Variants in SLC8A1 observed in about 807,000 individuals in gnomAD.
SLC8A1 encodes the protein sodium/calcium exchanger 1.
Under a neutral mutation model 68.3 loss-of-function variants are expected in SLC8A1, and 18 were observed. That is an observed-to-expected ratio of 0.26 (90% CI 0.18 to 0.39). The LOEUF (loss-of-function observed/expected upper bound fraction) is 0.39, where lower values mean the gene tolerates loss of function less well. SLC8A1 is among the 10% of genes least tolerant of loss of function. The pLI is 1.00. For missense variants in SLC8A1, 985 were observed against 1,156.7 expected (o/e 0.85, Z 2.15); for synonymous variants, 475 against 415.5 (o/e 1.14, Z -1.74).
intron 1 of SLC8A1, among the ~76,000 whole-genome samples, chr2:40,463,790 C>T (rs1703475170): frequency 1.3e-5 from 2 of 150,916 alleles, no homozygotes; most frequent in Admixed American, 1.3e-4. Context: ...CTCAGACTTA[C>T]AGACAAGGGA....
intron 2 of SLC8A1, among the ~76,000 whole-genome samples, chr2:40,396,759 A>C (rs1028648397): frequency 1.2e-3 from 69 of 59,724 alleles, no homozygotes; most frequent in African/African-American, 2.5e-3. Context: ...AAAAAAAAAA[A>C]AAAAAAAAAA....
chr2:40,343,329 A>G (rs1668288549), intron 2 of SLC8A1, among the ~76,000 whole-genome samples: 1 of 152,148 alleles, frequency 6.6e-6, no homozygotes. Flanking sequence ...GAACATCACC[A>G]TGAACTTAAA....
intron 2 of SLC8A1, among the ~76,000 whole-genome samples, chr2:40,184,898 CAAAAAAAA>C (rs66662572): frequency 3.8e-5 from 4 of 106,524 alleles, no homozygotes; most frequent in African/African-American, 1.1e-4. Context: ...TAACCAAAAA[CAAAAAAAA>C]AAAAAAAAAA....
intron 1 of SLC8A1, among the ~76,000 whole-genome samples, chr2:40,476,856 A>T (rs2149908386): frequency 6.6e-6 from 1 of 152,222 alleles, no homozygotes; most frequent in African/African-American, 2.4e-5. Context: ...ATCCTTTCAG[A>T]TTTTTCTGAT....
intron 1 of SLC8A1, among the ~76,000 whole-genome samples, chr2:40,470,223 G>T (rs901019566): frequency 2.0e-5 from 3 of 151,904 alleles, no homozygotes; most frequent in Non-Finnish European, 4.4e-5. Flanking sequence ...CTACACTTTG[G>T]GAAAACTTAA....
chr2:40,249,140 A>G (rs1308189148), intron 2 of SLC8A1, among the ~76,000 whole-genome samples: 1 of 152,176 alleles, frequency 6.6e-6, no homozygotes, highest in Non-Finnish European at 1.5e-5. Flanking sequence ...TTAAGCTAAG[A>G]TCTGCACTAC....
chr2:40,489,942 G>A (rs1705208258), intron 1 of SLC8A1, among the ~76,000 whole-genome samples: 1 of 151,992 alleles, frequency 6.6e-6, no homozygotes, highest in Non-Finnish European at 1.5e-5. Flanking sequence ...ATGAAGACAG[G>A]CAGCCCCCTT....
intron 1 of SLC8A1, among the ~76,000 whole-genome samples, chr2:40,475,034 A>T (rs1704196898): frequency 6.6e-6 from 1 of 152,104 alleles, no homozygotes; most frequent in Non-Finnish European, 1.5e-5. Flanking sequence ...TTAACTTATA[A>T]AAAAATTATT....
At chr2:40,121,561 A>G (rs2036818897) in intron 7 of SLC8A1, among the ~76,000 whole-genome samples, 1 of 152,136 alleles carries the variant, frequency 6.6e-6, no homozygotes, top group Non-Finnish European at 1.5e-5. Flanking sequence ...GCTACCCTAA[A>G]AGGCCAAATG....
chr2:40,246,574 C>A (rs979715986), intron 2 of SLC8A1, among the ~76,000 whole-genome samples: 1 of 152,080 alleles, frequency 6.6e-6, no homozygotes, highest in Non-Finnish European at 1.5e-5. Flanking sequence ...GCAGTCAGTT[C>A]TTCTGCACAT....
At chr2:40,502,218 T>A (rs1346480835) in intron 1 of SLC8A1, among the ~76,000 whole-genome samples, 9 of 152,100 alleles carry the variant, frequency 5.9e-5, no homozygotes, top group African/African-American at 2.2e-4. Context: ...CATTGCTACA[T>A]GGTTTATTTT....
intron 2 of SLC8A1, among the ~76,000 whole-genome samples, chr2:40,339,804 C>T (rs188336267): frequency 3.9e-5 from 6 of 152,208 alleles, no homozygotes; most frequent in African/African-American, 1.2e-4. Flanking sequence ...GATAGAAAGA[C>T]AGACAGAAGT....
chr2:40,485,633 T>A (rs1411821689), intron 1 of SLC8A1, among the ~76,000 whole-genome samples: 3 of 152,110 alleles, frequency 2.0e-5, no homozygotes, highest in Non-Finnish European at 4.4e-5. Flanking sequence ...ATTTCTCCCA[T>A]CAGATGAAAA....
intron 1 of SLC8A1, among the ~76,000 whole-genome samples, chr2:40,483,841 A>G (rs541680867): frequency 2.6e-5 from 4 of 152,350 alleles, no homozygotes; most frequent in Non-Finnish European, 5.9e-5. Flanking sequence ...ATGACAAAAT[A>G]TCAAGATAAA....
chr2:40,408,831 G>C (rs905129916), intron 2 of SLC8A1, among the ~76,000 whole-genome samples: 1 of 152,034 alleles, frequency 6.6e-6, no homozygotes, highest in Non-Finnish European at 1.5e-5. Context: ...CTGAAAGATA[G>C]AGCATTTGAG....
intron 1 of SLC8A1, among the ~76,000 whole-genome samples, chr2:40,481,332 C>T (rs1470847389): frequency 2.0e-5 from 3 of 152,198 alleles, no homozygotes; most frequent in African/African-American, 7.2e-5. Context: ...GAAAGCAGCA[C>T]AGTGTTAAAG....
chr2:40,240,120 T>G (rs2061015007), intron 2 of SLC8A1, among the ~76,000 whole-genome samples: 1 of 152,240 alleles, frequency 6.6e-6, no homozygotes, highest in South Asian at 2.1e-4. Flanking sequence ...TATATCATTT[T>G]GTGCACACAG....
intron 7 of SLC8A1, among the ~76,000 whole-genome samples, chr2:40,121,198 T>A (rs915154211): frequency 1.3e-5 from 2 of 152,168 alleles, no homozygotes; most frequent in African/African-American, 4.8e-5. Flanking sequence ...TTAATCAGAC[T>A]CTCTGAGGAC....
chr2:40,426,508 C>G (rs780164390), intron 2 of SLC8A1, among the ~76,000 whole-genome samples: 1 of 151,930 alleles, frequency 6.6e-6, no homozygotes, highest in Non-Finnish European at 1.5e-5. Context: ...TTTAAAAATC[C>G]TTTTCCTTAT....
Sources: allele counts gnomAD v4.1 joint callset (sites outside exome capture counted in the v4.1 genomes callset), GRCh38; gene constraint gnomAD v4.1.1; transcripts MANE v1.5; gene names NCBI Gene and HGNC (gene_info 2026-07-23, HGNC 2026-07-21).